Variants in ARHGEF3 observed in about 807,000 individuals in gnomAD.
ARHGEF3 encodes Rho guanine nucleotide exchange factor 3, also known as 59.8 kDA protein.
A neutral mutation model predicts 63.2 loss-of-function variants in ARHGEF3; 28 were observed. The ratio of observed to expected loss-of-function variants is 0.44; its 90% CI spans 0.33 to 0.61. ARHGEF3 has a LOEUF of 0.61. ARHGEF3 is among the 20% of genes least tolerant of loss of function. ARHGEF3 has a pLI of 0.03. For missense variants in ARHGEF3, 533 were observed against 659.3 expected (o/e 0.81, Z 2.10); for synonymous variants, 266 against 254.2 (o/e 1.05, Z -0.44).
intron 4 of ARHGEF3, among the ~76,000 whole-genome samples, chr3:56,827,181 A>C (rs1214269568): frequency 1.3e-5 from 2 of 152,212 alleles, no homozygotes; most frequent in Admixed American, 6.5e-5. Context: ...AAATATAAGC[A>C]AAGACAAATG....
chr3:56,996,050 G>A (rs930934303), intron 2 of ARHGEF3, among the ~76,000 whole-genome samples: 1 of 152,176 alleles, frequency 6.6e-6, no homozygotes, highest in African/African-American at 2.4e-5. Flanking sequence ...ACAGGTGACA[G>A]TGCCCTCCAA....
chr3:57,052,957 C>T (rs79363697), intron 1 of ARHGEF3, among the ~76,000 whole-genome samples: 2,788 of 152,240 alleles, frequency 0.018, 95 homozygotes, highest in African/African-American at 0.063. Flanking sequence ...TTTAATTTGC[C>T]GTGGAGCAGC....
chr3:56,819,707 A>G (rs2038402863), intron 4 of ARHGEF3, among the ~76,000 whole-genome samples: 1 of 151,238 alleles, frequency 6.6e-6, no homozygotes, highest in South Asian at 2.1e-4. Flanking sequence ...TTTTGTAGAA[A>G]TGGGGGTCTT....
At chr3:56,749,731 A>G (rs1275168206) in intron 6 of ARHGEF3, among the ~76,000 whole-genome samples, 2 of 152,138 alleles carry the variant, frequency 1.3e-5, no homozygotes, top group African/African-American at 2.4e-5. Context: ...ATTAAGGCAT[A>G]TTTTCTAAAT....
chr3:57,073,742 A>G, intron 1 of ARHGEF3: 1 of 1,614,204 alleles, frequency 6.2e-7, no homozygotes, highest in Non-Finnish European at 8.5e-7. Context: ...AAAAGTCAGG[A>G]GACACCTGGG....
In ARHGEF3 at chr3:57,042,681, TATATATATA is replaced by T. The variant is rs1704255292; in HGVS notation, c.-27-7514_-27-7506del. Among the ~76,000 whole-genome samples the T allele has an allele frequency of 5.9e-4, 21 of 35,776 alleles. 1 individual carries two copies. The highest frequency in any genetic ancestry group is 2.6e-3 in the African/African-American group (18 of 6,902). 23.5% of individuals were successfully genotyped at this position (35,776 alleles called of 152,430 possible). ...ATATATATATATATATATATATATA[TATATATATA>T]TATATATATATTTTTTTTTTTTTTT... On this transcript the variant is annotated intron_variant, in intron 1 of 12. Transcript: ENST00000338458.
Position 56,732,274 on chromosome 3 carries a change from C to T in ARHGEF3, c.1192G>A (p.Gly398Ser), listed in dbSNP as rs1380375876. The stretch of plus-strand genomic sequence containing the variant: ...TTGCTGAATGCCCCTCGCAGGGAGC[C>T]ACCCAGCCTCACTTCTCCATCCTGG... ...DLQDGEVRLG[G>S]SLRGAFSNNE... The change falls in exon 9 of 10, where the codon GGC becomes AGC. Residue 398 changes from glycine to serine, a missense_variant. Physicochemically the swap from Gly to Ser is moderately conservative, Grantham distance 56 (BLOSUM62 0). Coordinates refer to ENST00000296315, the MANE Select transcript of ARHGEF3 (RefSeq NM_019555.3). The T allele has an allele frequency of 1.2e-6, 2 of 1,614,072 alleles. No homozygotes were observed. The highest frequency in any genetic ancestry group is 2.7e-5 in the African/African-American group (2 of 74,942).
At chr3:56,992,017 C>CCTCTCT (rs569120713) in intron 2 of ARHGEF3, among the ~76,000 whole-genome samples, 13 of 130,738 alleles carry the variant, frequency 9.9e-5, no homozygotes, top group African/African-American at 3.6e-4. Flanking sequence ...TCTCTCCCCT[C>CCTCTCT]CTCTCTCTGT....
intron 3 of ARHGEF3, among the ~76,000 whole-genome samples, chr3:56,887,135 G>A (rs1483314425): frequency 6.6e-6 from 1 of 152,194 alleles, no homozygotes; most frequent in African/African-American, 2.4e-5. Flanking sequence ...GGCATTGGTG[G>A]CAAGCACTGG....
Position 57,042,690 on chromosome 3 carries a change from A to ATTTTTTTTT in ARHGEF3, c.-27-7515_-27-7514insAAAAAAAAA, listed in dbSNP as rs1271376418. On this transcript the variant is annotated intron_variant, in intron 1 of 12. Transcript: ENST00000338458. ...TATATATATATATATATATATATAT[A>ATTTTTTTTT]TATATATATATTTTTTTTTTTTTTT... 9.9e-4 allele frequency among the ~76,000 whole-genome samples: 13 copies of ATTTTTTTTT among 13,096 alleles called. 3 individuals are homozygous for ATTTTTTTTT. Among genetic ancestry groups the ATTTTTTTTT allele is most frequent in the Non-Finnish European group, 1.5e-3 (11 of 7,334 alleles). The allele number at this position is 13,096 out of a possible 152,430, so 8.6% of individuals were successfully genotyped here.
At chr3:56,736,073 C>T (rs965229210) in intron 8 of ARHGEF3, among the ~76,000 whole-genome samples, 4 of 151,912 alleles carry the variant, frequency 2.6e-5, no homozygotes, top group Admixed American at 6.6e-5. Context: ...CACACACACA[C>T]ACACACACAC....
At chr3:56,863,911 A>G (rs912437866) in intron 4 of ARHGEF3, among the ~76,000 whole-genome samples, 3 of 152,214 alleles carry the variant, frequency 2.0e-5, no homozygotes, top group African/African-American at 7.2e-5. Flanking sequence ...CAATGACAGA[A>G]GGTAAAATAA....
At position 56,756,570 on chromosome 3, in the gene ARHGEF3, G is replaced by C. The variant is rs1334397310; in HGVS notation, c.205-1419C>G. Among the ~76,000 whole-genome samples the C allele has an allele frequency of 5.7e-5, 6 of 104,550 alleles. No homozygotes were observed. The South Asian group carries it at 1.0e-3, about 18-fold the overall frequency. The allele number at this position is 104,550 out of a possible 152,430, so 68.6% of individuals were successfully genotyped here. Reference sequence around the variant, plus strand: ...CTTTTTTTTTTTTTTTTTTTTTTGAGACAGAGTCTTGCTCTGTCGCCCAGG... The same window carrying C: ...CTTTTTTTTTTTTTTTTTTTTTTGACACAGAGTCTTGCTCTGTCGCCCAGG... On this transcript the variant is annotated intron_variant, in intron 2 of 9. Coordinates refer to ENST00000296315, the MANE Select transcript of ARHGEF3 (RefSeq NM_019555.3).
chr3:56,931,931 T>C (rs1321689242), intron 3 of ARHGEF3, among the ~76,000 whole-genome samples: 1 of 152,198 alleles, frequency 6.6e-6, no homozygotes, highest in Non-Finnish European at 1.5e-5. Flanking sequence ...CCCTCTCAAA[T>C]ATCCAAGTAA....
At chr3:57,018,157 T>C (rs1703099598) in intron 2 of ARHGEF3, among the ~76,000 whole-genome samples, 1 of 151,688 alleles carries the variant, frequency 6.6e-6, no homozygotes, top group South Asian at 2.1e-4. Context: ...CATATGCCTG[T>C]AGTCCCAGCT....
At chr3:57,072,682 C>T (rs1207036277) in intron 1 of ARHGEF3, among the ~76,000 whole-genome samples, 2 of 140,158 alleles carry the variant, frequency 1.4e-5, no homozygotes, top group East Asian at 4.2e-4. Flanking sequence ...GCAGAGGTTG[C>T]AGTGAGCTGA....
At chr3:57,017,067 A>ACAC (rs1553807014) in intron 2 of ARHGEF3, among the ~76,000 whole-genome samples, 3,046 of 123,104 alleles carry the variant, frequency 0.025, 45 homozygotes, top group Non-Finnish European at 0.033. Flanking sequence ...CACACACACG[A>ACAC]GTCACCAAAC....
intron 2 of ARHGEF3, among the ~76,000 whole-genome samples, chr3:56,765,995 C>T (rs1232026101): frequency 6.7e-6 from 1 of 150,344 alleles, no homozygotes; most frequent in Non-Finnish European, 1.5e-5. Context: ...CAAGAGACAA[C>T]AGAAAAAAAA....
At chr3:56,784,959 C>G (rs2036733731) in intron 1 of ARHGEF3, among the ~76,000 whole-genome samples, 1 of 152,142 alleles carries the variant, frequency 6.6e-6, no homozygotes, top group East Asian at 1.9e-4. Context: ...GTATAATATG[C>G]TTGGCAGACA....
Sources: gnomAD v4.1 joint callset for allele counts (sites outside exome capture counted in the v4.1 genomes callset) on GRCh38, gnomAD v4.1.1 for gene constraint, MANE v1.5 for transcripts, NCBI Gene and HGNC (gene_info 2026-07-23, HGNC 2026-07-21) for gene names.